TBC1D21: variants seen among roughly 807,000 people sequenced by gnomAD.
TBC1D21 encodes the protein male germ cell Rab GTPase-activating protein.
Under a neutral mutation model 46.0 loss-of-function variants are expected in TBC1D21, and 38 were observed. The ratio of observed to expected loss-of-function variants is 0.83; its 90% CI spans 0.64 to 1.08. The LOEUF is 1.08. TBC1D21 is among the 50% of genes least tolerant of loss of function. The pLI, the probability that TBC1D21 is intolerant of heterozygous loss-of-function variation, is 0.00. For synonymous variants in TBC1D21, 151 were observed against 157.2 expected (o/e 0.96, Z 0.29); for missense variants, 415 against 417.9 (o/e 0.99, Z 0.06).
At chr15:73,886,660 C>A in intron 8 of TBC1D21, 48 bp downstream of exon 8, 1 of 1,554,444 alleles carries the variant, frequency 6.4e-7, no homozygotes, top group Non-Finnish European at 8.9e-7. Context: ...ACCCATCAGG[C>A]AGAGTGGAAG....
chr15:73,891,320 A>C (rs2068334815), downstream of TBC1D21, among the ~76,000 whole-genome samples: 1 of 152,180 alleles, frequency 6.6e-6, no homozygotes, highest in Non-Finnish European at 1.5e-5. Flanking sequence ...ATGACAGTCT[A>C]GTTTATTTCA....
the TBC1D21 span, among the ~76,000 whole-genome samples, chr15:73,905,054 A>G: frequency 6.6e-6 from 1 of 152,210 alleles, no homozygotes; most frequent in South Asian, 2.1e-4. Flanking sequence ...GGGGCCCAGG[A>G]GGGTGCAGCC....
chr15:73,892,723 T>C (rs575753934), downstream of TBC1D21, among the ~76,000 whole-genome samples: 4 of 152,310 alleles, frequency 2.6e-5, no homozygotes, highest in South Asian at 6.2e-4. Flanking sequence ...TCCAGGCCAA[T>C]AGTGCGAGCC....
chr15:73,906,998 C>T, the TBC1D21 span, among the ~76,000 whole-genome samples: 1 of 152,156 alleles, frequency 6.6e-6, no homozygotes, highest in Non-Finnish European at 1.5e-5. Context: ...AACCACAATT[C>T]CATGCAAAGC....
At chr15:73,900,061 G>T in the TBC1D21 span, among the ~76,000 whole-genome samples, 722 of 152,290 alleles carry the variant, frequency 4.7e-3, 8 homozygotes, top group African/African-American at 0.017. Context: ...GTGGTTTCTG[G>T]CGATGTGACT....
At chr15:73,901,310 C>T in the TBC1D21 span, among the ~76,000 whole-genome samples, 1 of 152,216 alleles carries the variant, frequency 6.6e-6, no homozygotes, top group Admixed American at 6.5e-5. Context: ...GGCTCTCTTG[C>T]CTCAATCTGG....
the TBC1D21 span, among the ~76,000 whole-genome samples, chr15:73,909,114 G>A: frequency 6.6e-6 from 1 of 152,342 alleles, no homozygotes; most frequent in African/African-American, 2.4e-5. Flanking sequence ...GCTCACACCT[G>A]TAATCCCAGC....
chr15:73,889,193 T>A lies in TBC1D21; in HGVS notation c.*92T>A. 7.3e-7 allele frequency: 1 copy of A among 1,377,648 alleles called. No homozygotes were observed. The highest frequency in any genetic ancestry group is 1.0e-6 in the Non-Finnish European group (1 of 983,470). 85.3% of individuals were successfully genotyped at this position (1,377,648 alleles called of 1,614,324 possible). Reference sequence around the variant, plus strand: ...GAGGGAGTAGATAAAACAGCTGCAATATAAACAGTCCTCTGGAATAATGGT... The same window carrying A: ...GAGGGAGTAGATAAAACAGCTGCAAAATAAACAGTCCTCTGGAATAATGGT... On this transcript the variant is annotated 3_prime_UTR_variant, in exon 11 of 11. Coordinates refer to ENST00000300504, the MANE Select transcript of TBC1D21 (RefSeq NM_153356.3).
chr15:73,876,053 T>C (rs1490894755), intron 1 of TBC1D21, among the ~76,000 whole-genome samples: 1 of 152,084 alleles, frequency 6.6e-6, no homozygotes, highest in Non-Finnish European at 1.5e-5. Context: ...ACAGCCTTCT[T>C]GTTCTGGTCC....
chr15:73,894,816 A>C, the TBC1D21 span, among the ~76,000 whole-genome samples: 24,053 of 152,202 alleles, frequency 0.16, 2,018 homozygotes, highest in South Asian at 0.21. Context: ...GGCAGAGAGG[A>C]GGGAATTTCC....
At chr15:73,888,690 C>T (rs1463190506) in intron 10 of TBC1D21, among the ~76,000 whole-genome samples, 177 bp downstream of exon 10, 2 of 150,124 alleles carry the variant, frequency 1.3e-5, no homozygotes, top group African/African-American at 2.5e-5. Flanking sequence ...CCTCCTCTTC[C>T]TCCTCGTACT....
chr15:73,889,073 C>T lies in TBC1D21; in HGVS notation c.983C>T (p.Pro328Leu), dbSNP rs1236548170. The T allele has an allele frequency of 6.2e-7, 1 of 1,613,432 alleles. No homozygotes were observed. The highest frequency in any genetic ancestry group is 8.5e-7 in the Non-Finnish European group (1 of 1,179,842). ...TCCCACCTGCCTCCTCCCTAGGTTC[C>T]TCAGACATTAAAGGATTTCTTCCTC... The part of the protein sequence containing the change: ...VYAELIQKDV[P>L]QTLKDFFL Residue 328 changes from proline (P) to leucine (L), a missense_variant, in exon 11 of 11, where the codon CCT (proline) becomes CTT (leucine). By Grantham distance (98) the Pro-to-Leu change is moderately conservative (BLOSUM62 -3). Transcript: ENST00000300504.
intron 1 of TBC1D21, among the ~76,000 whole-genome samples, chr15:73,880,175 A>G (rs12708512): frequency 0.94 from 143,003 of 152,176 alleles, 67,845 homozygotes; most frequent in East Asian, 1. Flanking sequence ...GATTACAAGC[A>G]TGAGCCACTG....
rs140131050 is a variant in TBC1D21, at chr15:73,888,602, CCT to C, written c.978+92_978+93del. 1.2e-4 allele frequency: 102 copies of C among 862,774 alleles called. No homozygotes were observed. In the African/African-American group the frequency reaches 1.7e-3, roughly 14 times the overall value. 53.4% of individuals were successfully genotyped at this position (862,774 alleles called of 1,614,324 possible). A position where few individuals can be genotyped will look rare whatever the true frequency, so the allele number is the denominator to read the frequency against. On this transcript the variant is annotated intron_variant, in intron 10 of 10. Coordinates refer to ENST00000300504, the MANE Select transcript of TBC1D21 (RefSeq NM_153356.3). ...TCCTCTTCCTCCTCCTCCTCCTCCT[CCT>C]CTTCTTCCTCCTCCTCCTCTTCTTC...
intron 1 of TBC1D21, 47 bp downstream of exon 1, chr15:73,873,816 G>A (rs145004157): frequency 6.3e-7 from 1 of 1,586,148 alleles, no homozygotes; most frequent in Non-Finnish European, 8.6e-7. Context: ...CCAGCCTCTG[G>A]TTGGCACTGG....
At chr15:73,902,910 C>T in the TBC1D21 span, among the ~76,000 whole-genome samples, 1 of 152,294 alleles carries the variant, frequency 6.6e-6, no homozygotes, top group South Asian at 2.1e-4. Flanking sequence ...TCCATCAATC[C>T]GGGTCGGGTC....
At chr15:73,878,980 G>A (rs1332219036) in intron 1 of TBC1D21, among the ~76,000 whole-genome samples, 4 of 152,154 alleles carry the variant, frequency 2.6e-5, no homozygotes, top group African/African-American at 2.4e-5. Context: ...TATGCAGGTG[G>A]GGAACACATC....
intron 1 of TBC1D21, among the ~76,000 whole-genome samples, chr15:73,879,741 T>A (rs981898498): frequency 2.0e-5 from 3 of 152,210 alleles, no homozygotes; most frequent in African/African-American, 4.8e-5. Context: ...TATATTTACA[T>A]GTCTACTCAG....
At chr15:73,888,324 G>A (rs1369786821) in intron 9 of TBC1D21, 106 bp from the exon 10 acceptor site, 1 of 916,640 alleles carries the variant, frequency 1.1e-6, no homozygotes, top group Non-Finnish European at 1.7e-6. Context: ...ACTGCTGTGA[G>A]CAGCATCCTT....
Sources: allele counts gnomAD v4.1 joint callset (sites outside exome capture counted in the v4.1 genomes callset), GRCh38; gene constraint gnomAD v4.1.1; transcripts MANE v1.5; gene names NCBI Gene and HGNC (gene_info 2026-07-23, HGNC 2026-07-21).